The following HS3ST5 variants were observed in gnomAD, a reference collection of about 807,000 sequenced individuals.
HS3ST5 encodes heparan sulfate glucosamine 3-O-sulfotransferase 5.
In HS3ST5, 10 loss-of-function variants were observed where a neutral mutation model predicts 25.4. That is an observed-to-expected ratio of 0.39 (90% CI 0.24 to 0.67). The LOEUF (loss-of-function observed/expected upper bound fraction) is 0.67. HS3ST5 is among the 30% of genes least tolerant of loss of function. HS3ST5 has a pLI of 0.44. For synonymous variants in HS3ST5, 170 were observed against 162.4 expected, an observed-to-expected ratio of 1.05 and a Z score of -0.36; for missense variants, 324 against 420.7, an observed-to-expected ratio of 0.77 and a Z score of 2.01.
chr6:114,218,022 G>C (rs1781850696), intron 2 of HS3ST5, among the ~76,000 whole-genome samples: 1 of 151,974 alleles, frequency 6.6e-6, no homozygotes, highest in Non-Finnish European at 1.5e-5. Context: ...TTTTGAGACA[G>C]AGTGTCGCTC....
chr6:114,097,714 G>A (rs1415824551), intron 3 of HS3ST5, among the ~76,000 whole-genome samples: 1 of 151,716 alleles, frequency 6.6e-6, no homozygotes, highest in African/African-American at 2.4e-5. Flanking sequence ...AGAAAAGAAG[G>A]TAATTTTCCT....
chr6:114,112,015 T>TGGAGTCCATGGTTC (rs1776290489), intron 3 of HS3ST5, among the ~76,000 whole-genome samples: 2 of 152,144 alleles, frequency 1.3e-5, no homozygotes, highest in African/African-American at 2.4e-5. Flanking sequence ...CTCCTTGGCT[T>TGGAGTCCATGGTTC]GGAGTCCATG....
intron 3 of HS3ST5, among the ~76,000 whole-genome samples, chr6:114,100,489 A>G (rs949183867): frequency 2.6e-5 from 4 of 152,180 alleles, no homozygotes; most frequent in African/African-American, 9.6e-5. Flanking sequence ...ACATCAGCAC[A>G]TGGCTTTCAG....
chr6:114,124,773 A>G (rs957715713), intron 3 of HS3ST5, among the ~76,000 whole-genome samples: 1 of 152,042 alleles, frequency 6.6e-6, no homozygotes, highest in African/African-American at 2.4e-5. Context: ...TCTCTTTTAG[A>G]TCGTATTATT....
chr6:114,193,071 A>G (rs973753208), intron 2 of HS3ST5, among the ~76,000 whole-genome samples: 1 of 152,160 alleles, frequency 6.6e-6, no homozygotes, highest in African/African-American at 2.4e-5. Context: ...CTATCATCAC[A>G]GCAGTCTTTA....
rs559462437 is a variant in HS3ST5 at position 114,143,335 on chromosome 6, G to T, written c.-33+25016C>A. Among the ~76,000 whole-genome samples, 7 of 152,308 alleles carry T rather than the reference G, an allele frequency of 4.6e-5. No homozygotes were observed. In the South Asian group the frequency reaches 1.5e-3, roughly 32 times the overall value. On this transcript the variant is annotated intron_variant, in intron 3 of 4. Coordinates refer to ENST00000312719, the MANE Select transcript of HS3ST5 (RefSeq NM_153612.4). Reference sequence around the variant, plus strand: ...ACTGCAAAATGTCTAGCATAATAATGATTATCATTGTTAATAACACATATG... The same window carrying T: ...ACTGCAAAATGTCTAGCATAATAATTATTATCATTGTTAATAACACATATG...
chr6:114,085,567 G>A (rs537330573), intron 3 of HS3ST5, among the ~76,000 whole-genome samples: 1 of 152,236 alleles, frequency 6.6e-6, no homozygotes, highest in South Asian at 2.1e-4. Context: ...TAGATTCCCT[G>A]CACTGACCAA....
At chr6:114,079,793 G>A (rs753209348) in intron 3 of HS3ST5, among the ~76,000 whole-genome samples, 11 of 151,900 alleles carry the variant, frequency 7.2e-5, no homozygotes, top group Admixed American at 2.0e-4. Context: ...TTTTTGAGAC[G>A]GAGTTTTGGC....
At chr6:114,133,572 C>A (rs1462850632) in intron 3 of HS3ST5, among the ~76,000 whole-genome samples, 1 of 152,094 alleles carries the variant, frequency 6.6e-6, no homozygotes, top group Non-Finnish European at 1.5e-5. Context: ...TCTTAATATG[C>A]CACTGGGAAA....
chr6:114,243,541 T>G lies in HS3ST5; in HGVS notation c.-338-14763A>C, dbSNP rs542938437. 3.9e-5 allele frequency among the ~76,000 whole-genome samples: 6 copies of G among 152,352 alleles called. No homozygotes were observed. The South Asian group carries it at 1.2e-3, about 32-fold the overall frequency. ...AGGGATTCTAGGACTTAAGTGGAAT[T>G]GAATAGCACAGCACAGTTCTTAATT... On this transcript the variant is annotated intron_variant, in intron 1 of 4. Transcript: ENST00000312719.
At chr6:114,279,461 T>A (rs1382497784) in intron 1 of HS3ST5, among the ~76,000 whole-genome samples, 1 of 152,070 alleles carries the variant, frequency 6.6e-6, no homozygotes, top group South Asian at 2.1e-4. Flanking sequence ...TTATACACAG[T>A]TCTAAATCTA....
intron 3 of HS3ST5, among the ~76,000 whole-genome samples, chr6:114,119,086 C>G (rs998050325): frequency 6.6e-6 from 1 of 152,124 alleles, no homozygotes; most frequent in Admixed American, 6.5e-5. Flanking sequence ...TCACCTGATT[C>G]AAAAAGAACG....
chr6:114,067,349 G>T (rs1773511151), intron 3 of HS3ST5, among the ~76,000 whole-genome samples: 1 of 151,962 alleles, frequency 6.6e-6, no homozygotes, highest in Admixed American at 6.6e-5. Flanking sequence ...ATGACCTCAT[G>T]GTTAAACTGT....
intron 3 of HS3ST5, among the ~76,000 whole-genome samples, chr6:114,085,077 G>C (rs1562190363): frequency 6.6e-6 from 1 of 152,032 alleles, no homozygotes; most frequent in East Asian, 1.9e-4. Flanking sequence ...TGATTTGCCT[G>C]CCTCCGCCTC....
intron 2 of HS3ST5, among the ~76,000 whole-genome samples, chr6:114,178,299 A>T (rs1015868811): frequency 1.3e-5 from 2 of 152,234 alleles, no homozygotes; most frequent in Non-Finnish European, 2.9e-5. Flanking sequence ...CTGGTTTATT[A>T]TTCACAACCA....
At chr6:114,078,947 T>A (rs1774301356) in intron 3 of HS3ST5, among the ~76,000 whole-genome samples, 1 of 152,228 alleles carries the variant, frequency 6.6e-6, no homozygotes, top group Non-Finnish European at 1.5e-5. Context: ...AAAAGTTATG[T>A]TTACACTATA....
chr6:114,268,122 G>A (rs1172814829), intron 1 of HS3ST5, among the ~76,000 whole-genome samples: 1 of 152,102 alleles, frequency 6.6e-6, no homozygotes, highest in Non-Finnish European at 1.5e-5. Flanking sequence ...CTGGCCTTGT[G>A]GCTTTGTCTG....
chr6:114,187,646 A>T (rs531352199), intron 2 of HS3ST5, among the ~76,000 whole-genome samples: 1 of 152,358 alleles, frequency 6.6e-6, no homozygotes, highest in Admixed American at 6.5e-5. Flanking sequence ...AAGGTTTTAG[A>T]ACATTACATA....
intron 1 of HS3ST5, among the ~76,000 whole-genome samples, chr6:114,237,890 G>T (rs1023486239): frequency 5.3e-5 from 8 of 152,176 alleles, no homozygotes; most frequent in African/African-American, 1.9e-4. Flanking sequence ...GAGAAGCAGA[G>T]AAATAAAATA....
Sources: gnomAD v4.1 joint callset for allele counts (sites outside exome capture counted in the v4.1 genomes callset) on GRCh38, gnomAD v4.1.1 for gene constraint, MANE v1.5 for transcripts, NCBI Gene and HGNC (gene_info 2026-07-23, HGNC 2026-07-21) for gene names.